Variants in GLI3 observed in about 807,000 individuals in gnomAD.
GLI3 encodes the protein transcription activator GLI3.
GLI3 carries 20 observed loss-of-function variants against 100.8 expected under a neutral mutation model. The ratio of observed to expected loss-of-function variants is 0.20; its 90% CI spans 0.14 to 0.29. The LOEUF is 0.29. GLI3 is among the 10% of genes least tolerant of loss of function. GLI3 has a pLI of 1.00. For synonymous variants in GLI3, 938 were observed against 860.5 expected (o/e 1.09, Z -1.58); for missense variants, 2,040 against 2,128.5 (o/e 0.96, Z 0.82).
At chr7:42,107,154 CAAAATAAAAT>C (rs1000468852) in intron 3 of GLI3, among the ~76,000 whole-genome samples, 12 of 151,636 alleles carry the variant, frequency 7.9e-5, no homozygotes, top group African/African-American at 2.2e-4. Context: ...TGTCTCTGCT[CAAAATAAAAT>C]AAAATAAAAT....
chr7:42,023,482 C>T lies in GLI3; in HGVS notation c.1483G>A (p.Glu495Lys). The T allele has an allele frequency of 2.5e-6, 4 of 1,614,206 alleles. No individual in the cohort carries two copies. The highest frequency in any genetic ancestry group is 3.4e-6 in the Non-Finnish European group (4 of 1,180,024). Residue 495 changes from glutamate (E) to lysine (K), a missense_variant, in exon 10 of 15, where the codon GAG (glutamate) becomes AAG (lysine). Physicochemically the swap from Glu to Lys is moderately conservative, Grantham distance 56. Transcript: ENST00000395925. ...EGCAREFDTQ[E>K]QLVHHINNDH... ...CATCCACTTACGTGCACAAGCTGCT[C>T]TTGGGTGTCGAACTCCCTCGCGCAG...
chr7:42,072,338 A>C (rs1784799396), intron 4 of GLI3, among the ~76,000 whole-genome samples: 1 of 152,236 alleles, frequency 6.6e-6, no homozygotes, highest in Non-Finnish European at 1.5e-5. Flanking sequence ...CATAAGGGCT[A>C]CATTTCTTTT....
intron 1 of GLI3, among the ~76,000 whole-genome samples, chr7:42,243,944 C>A (rs1418060560): frequency 6.6e-6 from 1 of 152,182 alleles, no homozygotes; most frequent in Non-Finnish European, 1.5e-5. Context: ...ACCAATTTTC[C>A]TGCCTCAGCC....
At chr7:42,074,105 T>G (rs1257763186) in intron 4 of GLI3, among the ~76,000 whole-genome samples, 1 of 152,222 alleles carries the variant, frequency 6.6e-6, no homozygotes, top group African/African-American at 2.4e-5. Flanking sequence ...CCAGTATTTT[T>G]CATGCCCCCC....
intron 2 of GLI3, among the ~76,000 whole-genome samples, chr7:42,167,032 G>A (rs893439654): frequency 6.6e-6 from 1 of 152,042 alleles, no homozygotes; most frequent in African/African-American, 2.4e-5. Flanking sequence ...TCGCCATGTT[G>A]GCCAGGCTGG....
rs762445898 is a variant in GLI3, at chr7:41,964,475, T to C, written c.4598A>G (p.His1533Arg). Residue 1533 changes from histidine to arginine, a missense_variant, in exon 15 of 15, where the codon CAT becomes CGT. Physicochemically the swap from His to Arg is conservative, Grantham distance 29. Transcript: ENST00000395925. ...LSPSIIQNLS[H>R]SSSRLTTPRA... Reference sequence around the variant, plus strand: ...AGGCGTGGTGAGGCGGGAGGAGCTATGGGAAAGGTTCTGAATGATACTTGG... The same window carrying C: ...AGGCGTGGTGAGGCGGGAGGAGCTACGGGAAAGGTTCTGAATGATACTTGG... The C allele has an allele frequency of 3.7e-6, 6 of 1,613,984 alleles. No individual in the cohort carries two copies. Among genetic ancestry groups the C allele is most frequent in the African/African-American group, 1.3e-5 (1 of 74,920 alleles).
At chr7:42,016,236 A>G (rs1788756392) in intron 10 of GLI3, among the ~76,000 whole-genome samples, 1 of 152,144 alleles carries the variant, frequency 6.6e-6, no homozygotes. Context: ...GAGAGATGGA[A>G]TCTCCGCACT....
intron 2 of GLI3, among the ~76,000 whole-genome samples, chr7:42,209,100 A>G (rs1019044): frequency 0.78 from 118,280 of 152,024 alleles, 48,111 homozygotes; most frequent in East Asian, 0.91. Flanking sequence ...TGCTGCCCAC[A>G]CTGGAGTGCA....
chr7:42,179,367 C>T (rs953723525), intron 2 of GLI3, among the ~76,000 whole-genome samples: 3 of 150,040 alleles, frequency 2.0e-5, no homozygotes, highest in African/African-American at 7.4e-5. Flanking sequence ...AGAGGGAAGG[C>T]GTGGGTGGGC....
At chr7:42,059,377 A>G (rs917229) in intron 4 of GLI3, among the ~76,000 whole-genome samples, 94,715 of 150,282 alleles carry the variant, frequency 0.63, 30,815 homozygotes, top group African/African-American at 0.79. Flanking sequence ...GGATAAAACC[A>G]GTAACTATTA....
intron 2 of GLI3, among the ~76,000 whole-genome samples, chr7:42,182,657 TATATATATATATATATATATATATACAC>T (rs1223619531): frequency 1.6e-5 from 1 of 61,114 alleles, no homozygotes; most frequent in Non-Finnish European, 3.2e-5. Context: ...TATATATATA[TATATATATATATATATATATATATACAC>T]ATGTGTGTAT....
chr7:42,178,115 C>T (rs907211290), intron 2 of GLI3, among the ~76,000 whole-genome samples: 1 of 152,184 alleles, frequency 6.6e-6, no homozygotes, highest in Non-Finnish European at 1.5e-5. Flanking sequence ...GGCCCAAGGG[C>T]CCAGCTGTGT....
Position 41,964,465 on chromosome 7 carries a change from G to A in GLI3, c.4608C>T (p.Ser1536=), listed in dbSNP as rs776279429. ...SIIQNLSHSS[S]RLTTPRASLP... ...GGGACGCCCGAGGCGTGGTGAGGCGGGAGGAGCTATGGGAAAGGTTCTGAA... is the reference window on the plus strand; with the variant it reads ...GGGACGCCCGAGGCGTGGTGAGGCGAGAGGAGCTATGGGAAAGGTTCTGAA... Residue 1536 remains serine, a synonymous_variant, in exon 15 of 15, where the codon TCC becomes TCT. Transcript: ENST00000395925. 3.1e-6 allele frequency: 5 copies of A among 1,614,058 alleles called. No homozygotes were observed. The East Asian group carries it at 1.1e-4, about 36-fold the overall frequency.
chr7:42,002,378 C>T (rs1377652847), intron 10 of GLI3, among the ~76,000 whole-genome samples: 4 of 152,150 alleles, frequency 2.6e-5, no homozygotes, highest in Non-Finnish European at 4.4e-5. Flanking sequence ...AAAAGCAACA[C>T]TTTTCTCCAC....
At chr7:42,231,911 A>T (rs1366831511) in intron 1 of GLI3, among the ~76,000 whole-genome samples, 1 of 151,524 alleles carries the variant, frequency 6.6e-6, no homozygotes, top group Non-Finnish European at 1.5e-5. Flanking sequence ...AAAAAAAAAA[A>T]GTTAAAGTAG....
At chr7:42,119,518 T>C (rs758733103) in intron 3 of GLI3, among the ~76,000 whole-genome samples, 3 of 152,166 alleles carry the variant, frequency 2.0e-5, no homozygotes, top group Non-Finnish European at 4.4e-5. Flanking sequence ...GTTCTTACCC[T>C]AGGCATTAAG....
chr7:42,139,557 T>G (rs995314309), intron 3 of GLI3, among the ~76,000 whole-genome samples: 1 of 152,132 alleles, frequency 6.6e-6, no homozygotes, highest in Non-Finnish European at 1.5e-5. Context: ...CACATGCCTG[T>G]AATCCCAGCT....
At chr7:42,211,684 G>A (rs1788276948) in intron 2 of GLI3, among the ~76,000 whole-genome samples, 1 of 152,174 alleles carries the variant, frequency 6.6e-6, no homozygotes, top group South Asian at 2.1e-4. Context: ...AAAATATTCT[G>A]TGAAAGGGGA....
chr7:42,130,335 A>G (rs17172015), intron 3 of GLI3, among the ~76,000 whole-genome samples: 2,778 of 152,268 alleles, frequency 0.018, 66 homozygotes, highest in African/African-American at 0.064. Context: ...AAGGATCACT[A>G]GGTTTTATGA....
Sources: gnomAD v4.1 joint callset for allele counts (sites outside exome capture counted in the v4.1 genomes callset) on GRCh38, gnomAD v4.1.1 for gene constraint, MANE v1.5 for transcripts, NCBI Gene and HGNC (gene_info 2026-07-23, HGNC 2026-07-21) for gene names.